LPP: variants seen among roughly 807,000 people sequenced by gnomAD.
LPP encodes lipoma-preferred partner.
In LPP, 38 loss-of-function variants were observed where a neutral mutation model predicts 60.4. The observed-to-expected ratio is 0.63, with a 90% confidence interval of 0.49 to 0.83. LPP has a LOEUF of 0.83. LPP is among the 40% of genes least tolerant of loss of function. The pLI is 0.00. For missense variants in LPP, 902 were observed against 783.6 expected, an observed-to-expected ratio of 1.15 and a Z score of -1.80; for synonymous variants, 328 against 290.8, an observed-to-expected ratio of 1.13 and a Z score of -1.30.
intron 2 of LPP, among the ~76,000 whole-genome samples, chr3:188,304,915 T>C (rs1751036368): frequency 6.6e-6 from 1 of 152,206 alleles, no homozygotes; most frequent in African/African-American, 2.4e-5. Context: ...GAAATGTCAT[T>C]AAATTATCAG....
rs1771106748 is a variant in LPP at position 188,890,268 on chromosome 3, A to G, written c.*15789A>G. 4.7e-6 allele frequency: 1 copy of G among 211,304 alleles called. No homozygotes were observed. The highest frequency in any genetic ancestry group is 9.6e-6 in the Non-Finnish European group (1 of 104,200). The allele number at this position is 211,304 out of a possible 1,614,324, so 13.1% of individuals were successfully genotyped here. On this transcript the variant is annotated 3_prime_UTR_variant, in exon 12 of 12. Transcript: ENST00000617246. ...CTGACTTAGGGAAAGGCACACAAAA[A>G]CATATAAAGAATATGTCTATTTTCA...
chr3:188,269,119 G>A (rs1313874400), intron 2 of LPP, among the ~76,000 whole-genome samples: 1 of 152,150 alleles, frequency 6.6e-6, no homozygotes, highest in Non-Finnish European at 1.5e-5. Context: ...CTGGTTTGTG[G>A]GTGATCATAT....
chr3:188,593,650 G>A (rs969662635), intron 6 of LPP, among the ~76,000 whole-genome samples: 6 of 151,902 alleles, frequency 3.9e-5, no homozygotes, highest in South Asian at 2.1e-4. Context: ...ATGCCTTTGC[G>A]TCCTCATAGC....
chr3:188,450,824 T>G (rs1054433533), intron 4 of LPP, among the ~76,000 whole-genome samples: 2 of 152,016 alleles, frequency 1.3e-5, no homozygotes, highest in African/African-American at 4.8e-5. Flanking sequence ...TCTTCCAGAG[T>G]GTGCATCCAT....
At chr3:188,800,555 G>T (rs545603470) in intron 9 of LPP, among the ~76,000 whole-genome samples, 15 of 152,084 alleles carry the variant, frequency 9.9e-5, no homozygotes, top group African/African-American at 2.9e-4. Flanking sequence ...AAAACTTTCT[G>T]CAGGATATAT....
chr3:188,704,940 G>A (rs528297098), intron 7 of LPP, among the ~76,000 whole-genome samples: 4 of 151,514 alleles, frequency 2.6e-5, no homozygotes, highest in South Asian at 2.1e-4. Context: ...TGTCCAGACC[G>A]AAATACTGAA....
intron 1 of LPP, among the ~76,000 whole-genome samples, chr3:188,181,332 G>A (rs1160861847): frequency 5.9e-5 from 8 of 135,534 alleles, no homozygotes; most frequent in African/African-American, 2.2e-4. Context: ...CAGCCTGGGT[G>A]ACAAAGTGAA....
At chr3:188,769,265 C>T (rs1453176491) in intron 9 of LPP, among the ~76,000 whole-genome samples, 1 of 152,168 alleles carries the variant, frequency 6.6e-6, no homozygotes, top group Non-Finnish European at 1.5e-5. Flanking sequence ...TTCGTATTAT[C>T]ACCCTTTATT....
chr3:188,202,433 G>C (rs1041783517), intron 1 of LPP, among the ~76,000 whole-genome samples: 1 of 152,220 alleles, frequency 6.6e-6, no homozygotes, highest in Non-Finnish European at 1.5e-5. Context: ...ATGTGAAAAA[G>C]AGAGATTCTT....
intron 2 of LPP, among the ~76,000 whole-genome samples, chr3:188,241,097 A>G (rs190370495): frequency 4.6e-5 from 7 of 152,208 alleles, no homozygotes; most frequent in Admixed American, 1.3e-4. Context: ...GGAAGTGTCA[A>G]TAGAGGGTTA....
chr3:188,284,377 G>T lies in LPP; in HGVS notation c.-66-57286G>T, dbSNP rs1474665365. Among the ~76,000 whole-genome samples the T allele has an allele frequency of 4.6e-5, 7 of 152,242 alleles. 1 individual carries two copies. The highest frequency in any genetic ancestry group is 1.7e-4 in the African/African-American group (7 of 41,572). On this transcript the variant is annotated intron_variant, in intron 2 of 11. Coordinates refer to ENST00000617246, the MANE Select transcript of LPP (RefSeq NM_001375462.1). ...TGCACAGGCCTAATGTAGGACAACG[G>T]CAAGTGGGTTGGAGAAGAGGGGCTT...
At chr3:188,203,523 ATAAATATATATT>A (rs1560107463) in intron 1 of LPP, among the ~76,000 whole-genome samples, 1 of 35,236 alleles carries the variant, frequency 2.8e-5, no homozygotes, top group African/African-American at 8.0e-5. Context: ...TTAAATATAT[ATAAATATATATT>A]TAAATATATA....
intron 7 of LPP, among the ~76,000 whole-genome samples, chr3:188,679,572 C>T (rs1859003864): frequency 6.7e-6 from 1 of 148,760 alleles, no homozygotes; most frequent in African/African-American, 2.5e-5. Flanking sequence ...TGCGCGCGCG[C>T]ATGTTTAGTT....
chr3:188,326,841 G>C (rs887094815), intron 2 of LPP, among the ~76,000 whole-genome samples: 1 of 151,960 alleles, frequency 6.6e-6, no homozygotes, highest in Admixed American at 6.6e-5. Context: ...TCTTAGTATT[G>C]TGAGGGCATT....
At chr3:188,832,734 T>C (rs111618912) in intron 9 of LPP, among the ~76,000 whole-genome samples, 30 of 152,328 alleles carry the variant, frequency 2.0e-4, no homozygotes, top group African/African-American at 7.2e-4. Context: ...GGAACTTCCA[T>C]TTCACAGGGC....
intron 2 of LPP, among the ~76,000 whole-genome samples, chr3:188,272,928 A>G (rs1225809559): frequency 1.3e-5 from 2 of 152,196 alleles, no homozygotes; most frequent in African/African-American, 4.8e-5. Context: ...GACCCTGCTA[A>G]TGGGTCCACG....
chr3:188,601,123 C>T (rs2151214573), intron 6 of LPP, among the ~76,000 whole-genome samples: 1 of 152,090 alleles, frequency 6.6e-6, no homozygotes, highest in East Asian at 1.9e-4. Context: ...TAGGTATCTA[C>T]CCAGAAGTTG....
intron 6 of LPP, among the ~76,000 whole-genome samples, chr3:188,607,370 G>GATATAT (rs10527365): frequency 1.0e-3 from 106 of 102,612 alleles, no homozygotes; most frequent in Non-Finnish European, 1.4e-3. Flanking sequence ...GAAAATAGAA[G>GATATAT]ATATATATAT....
intron 3 of LPP, among the ~76,000 whole-genome samples, chr3:188,402,316 A>C (rs1168093445): frequency 6.6e-6 from 1 of 152,236 alleles, no homozygotes; most frequent in African/African-American, 2.4e-5. Flanking sequence ...TAGATAAAAT[A>C]GCCTAGTTAA....
Sources: gnomAD v4.1 joint callset for allele counts (sites outside exome capture counted in the v4.1 genomes callset) on GRCh38, gnomAD v4.1.1 for gene constraint, MANE v1.5 for transcripts, NCBI Gene and HGNC (gene_info 2026-07-23, HGNC 2026-07-21) for gene names.